Variants in C19orf25 observed in about 807,000 individuals in gnomAD.
The protein encoded by C19orf25 is chromosome 19 open reading frame 25.
A neutral mutation model predicts 3.1 loss-of-function variants in C19orf25; 1 was observed. The ratio of observed to expected loss-of-function variants is 0.32; its 90% confidence interval spans 0.12 to 1.54. The LOEUF is 1.54. Among genes scored for constraint, C19orf25 ranks in the 40% most tolerant of loss-of-function variants. The probability of loss-of-function intolerance (pLI) is 0.38; values close to 1 mark genes in which losing one functional copy is unlikely to be tolerated. For missense variants in C19orf25, 196 were observed against 160.4 expected, an observed-to-expected ratio of 1.22 and a Z score of -1.20; for synonymous variants, 91 against 74.3, an observed-to-expected ratio of 1.23 and a Z score of -1.16.
At chr19:1,475,539 A>G (rs1031269711) in intron 2 of C19orf25, 3 of 396,128 alleles carry the variant, frequency 7.6e-6, no homozygotes, top group African/African-American at 6.0e-5. Flanking sequence ...AAATACAAAA[A>G]TTAGCTGGGC....
chr19:1,478,692 G>C, intron 2 of C19orf25, 82 bp downstream of exon 2: 1 of 1,524,154 alleles, frequency 6.6e-7, no homozygotes, highest in Non-Finnish European at 8.8e-7. Context: ...CGTGGGGTCA[G>C]GAGTTAGGGG....
At chr19:1,476,969 T>A (rs946291893) in intron 2 of C19orf25, among the ~76,000 whole-genome samples, 4 of 150,870 alleles carry the variant, frequency 2.7e-5, no homozygotes, top group Non-Finnish European at 5.9e-5. Context: ...ATTCACAGTT[T>A]CTATCATTCC....
chr19:1,475,024 C>T lies in C19orf25; in HGVS notation c.*8G>A. On this transcript the variant is annotated 3_prime_UTR_variant, in exon 3 of 3. Coordinates refer to ENST00000585675, the MANE Select transcript of C19orf25 (RefSeq NM_152482.3). ...TGTGCGCTGCCCAAGCCTGCAGGCCCCGAGAGGTCAGCCTGAGGAGGCAGC... is the reference window on the plus strand; with the variant it reads ...TGTGCGCTGCCCAAGCCTGCAGGCCTCGAGAGGTCAGCCTGAGGAGGCAGC... 1.9e-6 allele frequency: 3 copies of T among 1,574,990 alleles called. No homozygotes were observed. The highest frequency in any genetic ancestry group is 2.6e-6 in the Non-Finnish European group (3 of 1,163,746).
intron 2 of C19orf25, among the ~76,000 whole-genome samples, chr19:1,477,807 C>T (rs1438152525): frequency 6.6e-6 from 1 of 152,116 alleles, no homozygotes; most frequent in African/African-American, 2.4e-5. Flanking sequence ...CCTAGCTTAC[C>T]ACCTCTGTTT....
At chr19:1,475,909 C>T (rs75177707) in intron 2 of C19orf25, 14,268 of 314,518 alleles carry the variant, frequency 0.045, 437 homozygotes, top group Non-Finnish European at 0.06. Context: ...TGGCACCCAC[C>T]GGGATGGACT....
rs1158170737 is a variant in C19orf25, at chr19:1,473,715, T to TG, written c.*1316dup. On this transcript the variant is annotated 3_prime_UTR_variant, in exon 3 of 3. Transcript: ENST00000585675. ...TCAGGGAGCACAGCCCTGGCCCAGC[T>TG]GGGGGGACAAGGAAAGCTATGACTG... The TG allele has an allele frequency of 6.6e-6, 1 of 152,508 alleles. No homozygotes were observed. Among genetic ancestry groups the TG allele is most frequent in the Non-Finnish European group, 1.5e-5 (1 of 68,300 alleles). The allele number at this position is 152,508 out of a possible 1,614,324, so 9.4% of individuals were successfully genotyped here.
rs918914864 is a variant in C19orf25, at chr19:1,473,517, C to T, written c.*1515G>A. ...AGGGGGTCCAACCTGGGCATTGGTA[C>T]CTGGGCCAGTTATTATGGCAGGCCC... is the stretch of plus-strand genomic sequence containing the variant. On this transcript the variant is annotated 3_prime_UTR_variant, in exon 3 of 3. Transcript: ENST00000585675. 17 of 152,284 alleles carry T rather than the reference C, an allele frequency of 1.1e-4. No individual in the cohort carries two copies. Among genetic ancestry groups the T allele is most frequent in the African/African-American group, 4.1e-4 (17 of 41,464 alleles). The allele number at this position is 152,284 out of a possible 1,614,324, so 9.4% of individuals were successfully genotyped here. A position where few individuals can be genotyped will look rare whatever the true frequency, so the allele number is the denominator to read the frequency against.
chr19:1,479,134 G>C (rs907000817), intron 1 of C19orf25, 29 bp downstream of exon 1: 1 of 1,305,970 alleles, frequency 7.7e-7, no homozygotes, highest in Non-Finnish European at 9.7e-7. Flanking sequence ...GTTTCCCCGC[G>C]GTCACCCCAG....
rs921708981 is a variant in C19orf25, at chr19:1,479,192, G to C, written c.-32C>G. 7 of 1,266,448 alleles carry C rather than the reference G, an allele frequency of 5.5e-6. No homozygotes were observed. Among genetic ancestry groups the C allele is most frequent in the African/African-American group, 1.6e-5 (1 of 63,948 alleles). 78.5% of individuals were successfully genotyped at this position (1,266,448 alleles called of 1,614,324 possible). On this transcript the variant is annotated 5_prime_UTR_variant, in exon 1 of 3. Transcript: ENST00000585675. ...GCGCGGGACCCGAAAGCCCAGCGTC[G>C]ACGACGCAGCCACTTCCGATTCCGG...
Position 1,479,108 on chromosome 19 carries a change from C to A in C19orf25, c.-3+55G>T, listed in dbSNP as rs545918097. 59 of 1,335,808 alleles carry A rather than the reference C, an allele frequency of 4.4e-5. No individual in the cohort carries two copies. In the South Asian group the frequency reaches 1.1e-3, roughly 25 times the overall value. 82.7% of individuals were successfully genotyped at this position (1,335,808 alleles called of 1,614,324 possible). A position where few individuals can be genotyped will look rare whatever the true frequency, so the allele number is the denominator to read the frequency against. ...CGGTGGCCAAGGCTTCAGGGTCTGG[C>A]TCAACCTCTGCCTCAGTTTCCCCGC... On this transcript the variant is annotated intron_variant, in intron 1 of 2. Transcript: ENST00000585675.
intron 2 of C19orf25, chr19:1,475,713 A>C: frequency 5.8e-6 from 1 of 173,738 alleles, no homozygotes; most frequent in Non-Finnish European, 1.2e-5. Context: ...ACAAAAATCA[A>C]GTAATGGAGG....
intron 2 of C19orf25, 27 bp downstream of exon 2, chr19:1,478,746 CT>C (rs1359463083): frequency 1.3e-6 from 2 of 1,547,040 alleles, no homozygotes; most frequent in Non-Finnish European, 1.7e-6. Context: ...CTCAGGTCCG[CT>C]TTTCCCCGGG....
chr19:1,474,968 C>A lies in C19orf25; in HGVS notation c.*64G>T. 3.3e-6 allele frequency: 5 copies of A among 1,533,246 alleles called. No homozygotes were observed. Among genetic ancestry groups the A allele is most frequent in the Non-Finnish European group, 4.4e-6 (5 of 1,142,652 alleles). 95.0% of individuals were successfully genotyped at this position (1,533,246 alleles called of 1,614,324 possible). A position where few individuals can be genotyped will look rare whatever the true frequency, so the allele number is the denominator to read the frequency against. Reference sequence around the variant, plus strand: ...TGAATGCCAGTCTGGGGCCGACGGACCCCCAGGGAAAGCCTGGGTGCAGGC... The same window carrying A: ...TGAATGCCAGTCTGGGGCCGACGGAACCCCAGGGAAAGCCTGGGTGCAGGC... On this transcript the variant is annotated 3_prime_UTR_variant, in exon 3 of 3. Transcript: ENST00000585675.
intron 2 of C19orf25, chr19:1,475,932 C>T (rs2084201189): frequency 1.7e-5 from 6 of 349,048 alleles, no homozygotes; most frequent in Middle Eastern, 7.1e-4. Context: ...ACTGAGCTGG[C>T]CTGGCTCTCA....
chr19:1,475,309 G>A, intron 2 of C19orf25, 51 bp from the exon 3 acceptor site: 1 of 1,494,820 alleles, frequency 6.7e-7, no homozygotes, highest in South Asian at 1.3e-5. Context: ...CCATCCTCCT[G>A]GGCACCCCTC....
chr19:1,477,030 T>TAA (rs372336677), intron 2 of C19orf25, among the ~76,000 whole-genome samples: 21 of 151,628 alleles, frequency 1.4e-4, no homozygotes, highest in African/African-American at 4.6e-4. Context: ...GATAGAGTCT[T>TAA]GCTCTGTCAC....
Position 1,479,158 on chromosome 19 carries a change from C to G in C19orf25, c.-3+5G>C. 8 of 1,282,356 alleles carry G rather than the reference C, an allele frequency of 6.2e-6. 1 individual carries two copies. Among genetic ancestry groups the G allele is most frequent in the Non-Finnish European group, 5.9e-6 (6 of 1,016,026 alleles). The allele number at this position is 1,282,356 out of a possible 1,614,324, so 79.4% of individuals were successfully genotyped here. The stretch of plus-strand genomic sequence containing the variant: ...CGGTCACCCCAGTCGCCGGCCTCTT[C>G]CCACCTGGGCGCGGGACCCGAAAGC... On this transcript the variant is annotated splice_donor_5th_base_variant and intron_variant, in intron 1 of 2. Transcript: ENST00000585675.
chr19:1,479,212 T>G lies in C19orf25; in HGVS notation c.-52A>C. 1.2e-5 allele frequency: 14 copies of G among 1,213,902 alleles called. No homozygotes were observed. In the East Asian group the frequency reaches 1.7e-4, roughly 14 times the overall value. 75.2% of individuals were successfully genotyped at this position (1,213,902 alleles called of 1,614,324 possible). On this transcript the variant is annotated 5_prime_UTR_variant, in exon 1 of 3. Coordinates refer to ENST00000585675, the MANE Select transcript of C19orf25 (RefSeq NM_152482.3). ...GCGTCGACGACGCAGCCACTTCCGA[T>G]TCCGGTCGGAGCACCGCCCCGTCCC...
At chr19:1,476,225 G>A (rs1599177307) in intron 2 of C19orf25, 1 of 398,706 alleles carries the variant, frequency 2.5e-6, no homozygotes, top group Non-Finnish European at 4.4e-6. Flanking sequence ...CCTCGGCAGT[G>A]TGGTCTCCCA....
Sources: gnomAD v4.1 joint callset for allele counts (sites outside exome capture counted in the v4.1 genomes callset) on GRCh38, gnomAD v4.1.1 for gene constraint, MANE v1.5 for transcripts, NCBI Gene and HGNC (gene_info 2026-07-23, HGNC 2026-07-21) for gene names.